PLB1: variants seen among roughly 807,000 people sequenced by gnomAD.
The protein encoded by PLB1 is phospholipase B1, membrane-associated.
PLB1 carries 242 observed loss-of-function variants against 227.4 expected under a neutral mutation model. That is an observed-to-expected ratio of 1.06 (90% confidence interval 0.96 to 1.18). The LOEUF (loss-of-function observed/expected upper bound fraction) is 1.18. PLB1 is among the 50% of genes most tolerant of loss of function. PLB1 has a pLI of 0.00. For synonymous variants in PLB1, 757 were observed against 682.2 expected (o/e 1.11, Z -1.71); for missense variants, 1,858 against 1,816.3 (o/e 1.02, Z -0.42).
intron 1 of PLB1, among the ~76,000 whole-genome samples, chr2:28,501,915 C>A (rs1472025759): frequency 2.0e-5 from 3 of 152,126 alleles, no homozygotes; most frequent in Non-Finnish European, 4.4e-5. Context: ...ATACTACTGT[C>A]ATGAACAGTC....
At chr2:28,591,796 C>G (rs766270655) in intron 31 of PLB1, 36 bp downstream of exon 31, 1 of 1,602,892 alleles carries the variant, frequency 6.2e-7, no homozygotes, top group Non-Finnish European at 8.5e-7. Context: ...CCCAGGGCCC[C>G]TCCACAGGGG....
intron 17 of PLB1, among the ~76,000 whole-genome samples, chr2:28,557,957 G>A (rs1163099995): frequency 1.3e-5 from 2 of 152,112 alleles, no homozygotes; most frequent in Admixed American, 1.3e-4. Flanking sequence ...TCCCACCCAG[G>A]TTTGCTTCAT....
intron 15 of PLB1, 147 bp downstream of exon 15, chr2:28,549,078 A>G (rs1673773202): frequency 2.2e-5 from 16 of 714,340 alleles, no homozygotes; most frequent in Non-Finnish European, 3.4e-5. Context: ...TTGCATACAT[A>G]GCAGCCCTAA....
At chr2:28,589,935 G>C in intron 28 of PLB1, 70 bp from the exon 29 acceptor site, 2 of 1,473,674 alleles carry the variant, frequency 1.4e-6, no homozygotes, top group Non-Finnish European at 1.9e-6. Context: ...CCGCACCCCT[G>C]ACCTGCGTCC....
intron 17 of PLB1, among the ~76,000 whole-genome samples, chr2:28,562,540 C>CAAAAAAAAAAAAAAAAAAAAAAAAAAA (rs60393903): frequency 7.0e-5 from 3 of 42,604 alleles, no homozygotes; most frequent in African/African-American, 2.2e-4. Flanking sequence ...GACTCTGTCT[C>CAAAAAAAAAAAAAAAAAAAAAAAAAAA]AAAAAAAAAA....
Position 28,529,382 on chromosome 2 carries a change from A to G in PLB1, c.391A>G (p.Arg131Gly). The G allele has an allele frequency of 6.2e-7, 1 of 1,608,274 alleles. No individual in the cohort carries two copies. The highest frequency in any genetic ancestry group is 8.5e-7 in the Non-Finnish European group (1 of 1,174,634). Residue 131 changes from arginine (R) to glycine (G), a missense_variant, in exon 7 of 58, where the codon AGA becomes GGA. By Grantham distance (125) the Arg-to-Gly change is moderately radical. Transcript: ENST00000327757. ...AATGCCTGTGTGCCACACTGGAAAG[A>G]GAGTCATACCCCACGATGGTGCTGA... ...VPMPVCHTGK[R>G]VIPHDGAEDL...
At chr2:28,529,668 T>G (rs1572777348) in intron 7 of PLB1, 60 bp from the exon 8 acceptor site, 1 of 1,537,428 alleles carries the variant, frequency 6.5e-7, no homozygotes, top group Non-Finnish European at 9.0e-7. Context: ...GGGGCAAGCT[T>G]CCAGCCCTTA....
chr2:28,579,606 C>G (rs72863332), intron 22 of PLB1, 21 bp from the exon 23 acceptor site: 130,627 of 1,591,510 alleles, frequency 0.082, 5,715 homozygotes, highest in African/African-American at 0.095. Flanking sequence ...GTGCTTACTT[C>G]TGTGTTTCTA....
intron 43 of PLB1, among the ~76,000 whole-genome samples, 172 bp from the exon 44 acceptor site, chr2:28,613,859 A>G (rs1685818568): frequency 6.6e-6 from 1 of 152,202 alleles, no homozygotes; most frequent in South Asian, 2.1e-4. Context: ...CAAAGCTGTT[A>G]TGTAAAACCC....
chr2:28,641,898 T>C (rs1174450817), intron 57 of PLB1, among the ~76,000 whole-genome samples: 1 of 152,082 alleles, frequency 6.6e-6, no homozygotes, highest in Non-Finnish European at 1.5e-5. Context: ...TGATCCCTAC[T>C]GCCCATTGAC....
chr2:28,605,933 C>T lies in PLB1; in HGVS notation c.3042C>T (p.Ala1014=). Residue 1014 remains alanine, a synonymous_variant, in exon 42 of 58, where the codon GCC becomes GCT. Coordinates refer to ENST00000327757, the MANE Select transcript of PLB1 (RefSeq NM_153021.5). ...AATTCCACTCCCAGCTGGCCAGAGC[C>T]CTTTGGACCAATATGGTAAAATAAG... is the stretch of plus-strand genomic sequence containing the variant. ...NQKFHSQLAR[A]LWTNMLEPLG... 1.9e-6 allele frequency: 3 copies of T among 1,611,098 alleles called. No individual in the cohort carries two copies. The highest frequency in any genetic ancestry group is 2.5e-6 in the Non-Finnish European group (3 of 1,177,288).
chr2:28,602,993 T>A, intron 39 of PLB1, 72 bp downstream of exon 39: 1 of 1,316,826 alleles, frequency 7.6e-7, no homozygotes, highest in Middle Eastern at 1.8e-4. Flanking sequence ...GCAGTGGTGA[T>A]GCCTCAGGGT....
intron 39 of PLB1, 76 bp from the exon 40 acceptor site, chr2:28,603,889 CT>C (rs1345715514): frequency 5.7e-6 from 8 of 1,408,238 alleles, no homozygotes; most frequent in Non-Finnish European, 7.0e-6. Flanking sequence ...CACCCCTCCC[CT>C]GAACCTGGGC....
chr2:28,507,984 A>C (rs1667817088), intron 1 of PLB1, among the ~76,000 whole-genome samples: 1 of 152,226 alleles, frequency 6.6e-6, no homozygotes, highest in Non-Finnish European at 1.5e-5. Flanking sequence ...TTCTTTGGCC[A>C]GCATTCCTGA....
At position 28,508,771 on chromosome 2, in the gene PLB1, C is replaced by G. The variant is rs546856734; in HGVS notation, c.56-8037C>G. Among the ~76,000 whole-genome samples, 4 of 152,300 alleles carry G rather than the reference C, an allele frequency of 2.6e-5. No homozygotes were observed. The South Asian group carries it at 8.3e-4, about 32-fold the overall frequency. On this transcript the variant is annotated intron_variant, in intron 1 of 57. Coordinates refer to ENST00000327757, the MANE Select transcript of PLB1 (RefSeq NM_153021.5). The stretch of plus-strand genomic sequence containing the variant: ...GGTGTGGTCTGCATGCACTTATGGC[C>G]CTCTGAGCCTGTAAAAATGCCAAAA...
chr2:28,637,299 TA>T (rs34972015), intron 56 of PLB1, among the ~76,000 whole-genome samples: 357 of 131,154 alleles, frequency 2.7e-3, no homozygotes, highest in East Asian at 8.1e-3. Flanking sequence ...GTCTCAAATT[TA>T]AAAAAAAAAA....
At chr2:28,553,649 G>A (rs1674576192) in intron 17 of PLB1, among the ~76,000 whole-genome samples, 1 of 152,166 alleles carries the variant, frequency 6.6e-6, no homozygotes, top group South Asian at 2.1e-4. Context: ...CAAAACATCA[G>A]CCTAGGAGCA....
At position 28,606,534 on chromosome 2, in the gene PLB1, G is replaced by A. The variant is rs1684706588; in HGVS notation, c.3096G>A (p.Leu1032=). Residue 1032 remains leucine (L), a synonymous_variant, in exon 43 of 58, where the codon CTG becomes CTA. Coordinates refer to ENST00000327757, the MANE Select transcript of PLB1 (RefSeq NM_153021.5). The part of the protein sequence containing the change: ...PLGSKTETLD[L]RAEMPITCPT... The stretch of plus-strand genomic sequence containing the variant: ...GAAGCAAAACAGAGACCCTGGACCT[G>A]AGAGCAGAGATGCCCATCACCTGTC... 2 of 1,614,214 alleles carry A rather than the reference G, an allele frequency of 1.2e-6. No individual in the cohort carries two copies. Among genetic ancestry groups the A allele is most frequent in the Non-Finnish European group, 1.7e-6 (2 of 1,180,036 alleles).
At chr2:28,540,320 C>T (rs754129794) in intron 11 of PLB1, 46 bp from the exon 12 acceptor site, 48 of 1,553,068 alleles carry the variant, frequency 3.1e-5, no homozygotes, top group African/African-American at 1.1e-4. Context: ...CCTTCCCTGC[C>T]CACACTGCCT....
Sources: allele counts gnomAD v4.1 joint callset (sites outside exome capture counted in the v4.1 genomes callset), GRCh38; gene constraint gnomAD v4.1.1; transcripts MANE v1.5; gene names NCBI Gene and HGNC (gene_info 2026-07-23, HGNC 2026-07-21).